Variants in TMEM266 observed in about 807,000 individuals in gnomAD.
The protein encoded by TMEM266 is Hv1 related protein 1.
Under a neutral mutation model 50.5 loss-of-function variants are expected in TMEM266, and 33 were observed. That is an observed-to-expected ratio of 0.65 (90% CI 0.50 to 0.87). The LOEUF is 0.87. Ranked by LOEUF, TMEM266 falls within the 40% of genes least tolerant of loss-of-function variation. The probability of loss-of-function intolerance (pLI) is 0.00; values close to 1 mark genes in which losing one functional copy is unlikely to be tolerated. For synonymous variants in TMEM266, 310 were observed against 292.3 expected (o/e 1.06, Z -0.62); for missense variants, 655 against 695.1 (o/e 0.94, Z 0.65).
intron 3 of TMEM266, among the ~76,000 whole-genome samples, chr15:76,151,459 C>T (rs1330317851): frequency 6.6e-6 from 1 of 152,124 alleles, no homozygotes; most frequent in South Asian, 2.1e-4. Flanking sequence ...CCCCAACCCA[C>T]CCTCCAGGGC....
At chr15:76,088,408 C>G (rs1001433182) in intron 1 of TMEM266, among the ~76,000 whole-genome samples, 1 of 152,162 alleles carries the variant, frequency 6.6e-6, no homozygotes, top group African/African-American at 2.4e-5. Context: ...AATCCTAGCA[C>G]TTTAGAGGCC....
intron 1 of TMEM266, among the ~76,000 whole-genome samples, chr15:76,073,932 A>G (rs1396192956): frequency 6.6e-6 from 1 of 151,138 alleles, no homozygotes; most frequent in Non-Finnish European, 1.5e-5. Flanking sequence ...GAAATTGACC[A>G]CACTCAATGG....
intron 3 of TMEM266, among the ~76,000 whole-genome samples, chr15:76,148,942 T>G (rs970788000): frequency 6.6e-6 from 1 of 152,144 alleles, no homozygotes; most frequent in East Asian, 1.9e-4. Context: ...CTTCAATTTA[T>G]TTAGTTATCC....
Position 76,152,790 on chromosome 15 carries a change from G to T in TMEM266, c.228-3814G>T, listed in dbSNP as rs115714718. Among the ~76,000 whole-genome samples, 118 of 152,240 alleles carry T rather than the reference G, an allele frequency of 7.8e-4. 1 individual carries two copies. The highest frequency in any genetic ancestry group is 2.8e-3 in the African/African-American group (115 of 41,548). On this transcript the variant is annotated intron_variant, in intron 3 of 10. Coordinates refer to ENST00000388942, the MANE Select transcript of TMEM266 (RefSeq NM_152335.3). ...TCCACCAGCTCTGCGTGTCTTCCTT[G>T]TAGTACCCATCACACCAGCACCTGT...
At position 76,072,938 on chromosome 15, in the gene TMEM266, C is replaced by CT. The variant is rs996244909; in HGVS notation, c.-97+12932dup. On this transcript the variant is annotated intron_variant, in intron 1 of 10. Transcript: ENST00000388942. ...GGCATAAGCCACTGCATCCAGCCTT[C>CT]TTTTTTTTTTGAGATGGAGTTTTGC... Among the ~76,000 whole-genome samples the CT allele has an allele frequency of 3.2e-4, 45 of 141,748 alleles. 1 individual carries two copies. The highest frequency in any genetic ancestry group is 9.4e-4 in the African/African-American group (36 of 38,340). 93.0% of individuals were successfully genotyped at this position (141,748 alleles called of 152,430 possible).
intron 10 of TMEM266, 88 bp from the exon 11 acceptor site, chr15:76,203,653 C>T: frequency 4.7e-6 from 6 of 1,284,560 alleles, no homozygotes; most frequent in Non-Finnish European, 6.6e-6. Context: ...ACACTCATTG[C>T]CCACCGCCCG....
chr15:76,102,926 G>A (rs1474437682), intron 1 of TMEM266, among the ~76,000 whole-genome samples: 3 of 151,838 alleles, frequency 2.0e-5, no homozygotes, highest in African/African-American at 4.8e-5. Flanking sequence ...CGAGGCAGCA[G>A]GGGACAGAGG....
chr15:76,113,638 G>A (rs141730840), intron 1 of TMEM266: 125 of 152,288 alleles, frequency 8.2e-4, no homozygotes, highest in Non-Finnish European at 1.5e-3. Context: ...CACCGGGCAC[G>A]GTGGCTCACG....
At chr15:76,104,677 C>T (rs940322221) in intron 1 of TMEM266, among the ~76,000 whole-genome samples, 2 of 152,044 alleles carry the variant, frequency 1.3e-5, no homozygotes, top group African/African-American at 4.8e-5. Context: ...CTCGTGATTG[C>T]TCGATTTCCC....
At chr15:76,100,476 T>A (rs1312489736) in intron 1 of TMEM266, among the ~76,000 whole-genome samples, 2 of 152,224 alleles carry the variant, frequency 1.3e-5, no homozygotes, top group Non-Finnish European at 2.9e-5. Flanking sequence ...CCACTACTTC[T>A]GACTTTACTA....
In TMEM266 at chr15:76,115,962, C is replaced by T. The variant is rs146265976; in HGVS notation, c.-96-18206C>T. Among the ~76,000 whole-genome samples the T allele has an allele frequency of 7.7e-3, 1,178 of 152,140 alleles. 16 individuals are homozygous for T. The highest frequency in any genetic ancestry group is 0.027 in the African/African-American group (1,131 of 41,544). Reference sequence around the variant, plus strand: ...ACTGGAGCAGTGCTCAGCAGATGCTCGGTGTTGCTGACTTTCTAGGCCTGG... The same window carrying T: ...ACTGGAGCAGTGCTCAGCAGATGCTTGGTGTTGCTGACTTTCTAGGCCTGG... On this transcript the variant is annotated intron_variant, in intron 1 of 10. Transcript: ENST00000388942.
chr15:76,201,370 C>T (rs149255392), intron 9 of TMEM266, among the ~76,000 whole-genome samples: 97 of 152,296 alleles, frequency 6.4e-4, no homozygotes, highest in Non-Finnish European at 5.3e-4. Context: ...CCTCCCTGCT[C>T]CTCTCAGGAG....
chr15:76,156,981 A>C (rs1742740542), intron 4 of TMEM266, among the ~76,000 whole-genome samples: 1 of 152,056 alleles, frequency 6.6e-6, no homozygotes, highest in South Asian at 2.1e-4. Flanking sequence ...CTCTCTGCCC[A>C]ATGTGGCCTC....
intron 1 of TMEM266, among the ~76,000 whole-genome samples, chr15:76,076,347 T>G (rs1314573037): frequency 1.3e-5 from 2 of 152,056 alleles, no homozygotes; most frequent in African/African-American, 4.8e-5. Flanking sequence ...TCTAAATAAA[T>G]TAACCCAATA....
At chr15:76,094,735 TTC>T (rs2036898745) in intron 1 of TMEM266, among the ~76,000 whole-genome samples, 1 of 152,142 alleles carries the variant, frequency 6.6e-6, no homozygotes, top group Admixed American at 6.5e-5. Context: ...ATATTAATTC[TTC>T]CTATCCATGA....
At chr15:76,073,687 A>G (rs1433649525) in intron 1 of TMEM266, among the ~76,000 whole-genome samples, 1 of 152,264 alleles carries the variant, frequency 6.6e-6, no homozygotes, top group African/African-American at 2.4e-5. Flanking sequence ...ACCTTAGTAT[A>G]TCTGAAACCC....
intron 1 of TMEM266, among the ~76,000 whole-genome samples, chr15:76,082,956 A>G (rs1324078595): frequency 6.6e-6 from 1 of 150,592 alleles, no homozygotes; most frequent in East Asian, 2.0e-4. Flanking sequence ...GCGACAGAGC[A>G]AGACTCTGTC....
chr15:76,158,631 A>T (rs868408643), intron 4 of TMEM266, among the ~76,000 whole-genome samples: 2 of 145,710 alleles, frequency 1.4e-5, no homozygotes, highest in Non-Finnish European at 3.2e-5. Context: ...TAAAACGCAC[A>T]ATCAGAGATT....
chr15:76,171,265 G>A (rs953403400), intron 7 of TMEM266, 134 bp downstream of exon 7: 27 of 1,271,844 alleles, frequency 2.1e-5, no homozygotes, highest in Non-Finnish European at 2.9e-5. Context: ...GGCAGGGAGA[G>A]GGGCCAGCTG....
Sources: gnomAD v4.1 joint callset for allele counts (sites outside exome capture counted in the v4.1 genomes callset) on GRCh38, gnomAD v4.1.1 for gene constraint, MANE v1.5 for transcripts, NCBI Gene and HGNC (gene_info 2026-07-23, HGNC 2026-07-21) for gene names.